The following PTPRG variants were observed in gnomAD, a reference collection of about 807,000 sequenced individuals.
The protein encoded by PTPRG is receptor-type tyrosine-protein phosphatase gamma.
In PTPRG, 102 loss-of-function variants were observed where a neutral mutation model predicts 165.3. That is an observed-to-expected ratio of 0.62 (90% CI 0.53 to 0.73). The LOEUF (loss-of-function observed/expected upper bound fraction) is 0.73, where lower values mean the gene tolerates loss of function less well. Among genes scored for constraint, PTPRG ranks in the 30% least tolerant of loss-of-function variants. The pLI, the probability that PTPRG is intolerant of heterozygous loss-of-function variation, is 0.00. For synonymous variants in PTPRG, 675 were observed against 669.5 expected (o/e 1.01, Z -0.13); for missense variants, 1,866 against 1,861.4 (o/e 1.00, Z -0.05).
chr3:62,229,058 C>T lies in PTPRG; in HGVS notation c.2289-2167C>T, dbSNP rs567620554. On this transcript the variant is annotated intron_variant, in intron 13 of 29. Coordinates refer to ENST00000474889, the MANE Select transcript of PTPRG (RefSeq NM_002841.4). The surrounding 1 kb of genome is among the most constrained non-coding windows in gnomAD (Gnocchi z 4.6). ...TACAGTTCAGCTTTTCAAAGCCTGA[C>T]AATGTGTCAAGCCATTGGGGAGAGC... Among the ~76,000 whole-genome samples, 1 of 152,228 alleles carries T rather than the reference C, an allele frequency of 6.6e-6. No individual in the cohort carries two copies. Among genetic ancestry groups the T allele is most frequent in the African/African-American group, 2.4e-5 (1 of 41,516 alleles).
intron 1 of PTPRG, among the ~76,000 whole-genome samples, chr3:61,721,898 CTT>C (rs936257522): frequency 6.6e-6 from 1 of 152,190 alleles, no homozygotes; most frequent in African/African-American, 2.4e-5. Context: ...TTGTTTCTGA[CTT>C]TCTGCTCTGT....
At chr3:61,727,973 G>A (rs1266478494) in intron 1 of PTPRG, among the ~76,000 whole-genome samples, 1 of 152,222 alleles carries the variant, frequency 6.6e-6, no homozygotes. Flanking sequence ...TTACCAGCTG[G>A]TAGCTGAACC....
intron 1 of PTPRG, among the ~76,000 whole-genome samples, chr3:61,594,642 A>G (rs1057232103): frequency 2.6e-5 from 4 of 152,140 alleles, no homozygotes; most frequent in African/African-American, 9.7e-5. Flanking sequence ...CATTTGGCAG[A>G]TATTTATTAG....
intron 1 of PTPRG, among the ~76,000 whole-genome samples, chr3:61,614,438 G>C (rs1476235466): frequency 8.7e-5 from 1 of 11,474 alleles, no homozygotes; most frequent in Non-Finnish European, 2.7e-4. Flanking sequence ...TTTTTTTTGA[G>C]ACAGGATCTT....
chr3:61,989,846 C>G, intron 3 of PTPRG, 42 bp downstream of exon 3: 1 of 1,602,220 alleles, frequency 6.2e-7, no homozygotes, highest in Non-Finnish European at 8.5e-7. Flanking sequence ...GCAACAGGAA[C>G]TATTTTTGGA....
At chr3:61,654,956 A>T (rs185317076) in intron 1 of PTPRG, among the ~76,000 whole-genome samples, 14 of 141,558 alleles carry the variant, frequency 9.9e-5, no homozygotes, top group African/African-American at 3.6e-4. Flanking sequence ...TACTTTTTGT[A>T]TTTTTTTTTT....
chr3:61,797,581 A>ACCACCCCCCCCCCCCCC (rs2035088327), intron 2 of PTPRG, among the ~76,000 whole-genome samples: 5 of 127,344 alleles, frequency 3.9e-5, no homozygotes, highest in East Asian at 2.4e-4. Context: ...TTATCTCCAC[A>ACCACCCCCCCCCCCCCC]CCCCCCCCCA....
intron 5 of PTPRG, among the ~76,000 whole-genome samples, chr3:62,131,716 A>G (rs1703521232): frequency 6.6e-6 from 1 of 152,196 alleles, no homozygotes; most frequent in African/African-American, 2.4e-5. Flanking sequence ...AGAAAATTGT[A>G]TAATGACCCA....
At chr3:62,011,888 A>G (rs2107739511) in intron 4 of PTPRG, among the ~76,000 whole-genome samples, 1 of 152,294 alleles carries the variant, frequency 6.6e-6, no homozygotes, top group South Asian at 2.1e-4. Context: ...TGTGTCAGTG[A>G]CACGTGGTGT....
chr3:62,196,500 G>A (rs1699966493), intron 10 of PTPRG, among the ~76,000 whole-genome samples: 1 of 152,150 alleles, frequency 6.6e-6, no homozygotes, highest in Admixed American at 6.5e-5. Context: ...TTTAAGTAGA[G>A]ATAGATACAC....
At chr3:62,082,199 T>G (rs1701605680) in intron 5 of PTPRG, among the ~76,000 whole-genome samples, 1 of 152,230 alleles carries the variant, frequency 6.6e-6, no homozygotes, top group African/African-American at 2.4e-5. Flanking sequence ...ATAATTTTTT[T>G]TTACCATTTC....
chr3:61,642,355 A>C (rs1024263248), intron 1 of PTPRG, among the ~76,000 whole-genome samples: 3 of 152,090 alleles, frequency 2.0e-5, no homozygotes, highest in African/African-American at 4.8e-5. Flanking sequence ...ATATGCGAGG[A>C]CCTTTCTTGG....
intron 24 of PTPRG, among the ~76,000 whole-genome samples, chr3:62,276,251 A>G (rs188787575): frequency 6.6e-6 from 1 of 152,290 alleles, no homozygotes; most frequent in African/African-American, 2.4e-5. Context: ...TGCTCCATCT[A>G]TCTGACGTAG....
intron 8 of PTPRG, among the ~76,000 whole-genome samples, chr3:62,170,366 G>T (rs568657626): frequency 6.6e-6 from 1 of 152,120 alleles, no homozygotes; most frequent in Non-Finnish European, 1.5e-5. Context: ...TGTGGATTGG[G>T]GGGGTGAGGA....
At chr3:61,590,841 A>G (rs1237538105) in intron 1 of PTPRG, among the ~76,000 whole-genome samples, 1 of 151,932 alleles carries the variant, frequency 6.6e-6, no homozygotes, top group Non-Finnish European at 1.5e-5. Flanking sequence ...CAGAGGTGCC[A>G]TATGCAGTGG....
intron 16 of PTPRG, among the ~76,000 whole-genome samples, chr3:62,261,349 G>A (rs982591803): frequency 3.9e-5 from 6 of 152,206 alleles, no homozygotes; most frequent in African/African-American, 1.2e-4. Context: ...AGGTCCCAAC[G>A]TGCTAAGTTT....
At chr3:62,023,305 A>G (rs1296183877) in intron 4 of PTPRG, among the ~76,000 whole-genome samples, 1 of 152,204 alleles carries the variant, frequency 6.6e-6, no homozygotes, top group Admixed American at 6.5e-5. Context: ...CCTTAGCCAA[A>G]GATAGAATTA....
intron 2 of PTPRG, among the ~76,000 whole-genome samples, chr3:61,767,971 C>CA (rs35466366): frequency 0.48 from 49,589 of 103,708 alleles, 11,527 homozygotes; most frequent in Non-Finnish European, 0.53. Flanking sequence ...GACCCTGTCT[C>CA]AAAAAAAAAA....
chr3:61,925,915 A>G (rs2039198538), intron 2 of PTPRG: 1 of 496,692 alleles, frequency 2.0e-6, no homozygotes. Flanking sequence ...GGTAACCAGC[A>G]GTGTTTCCAT....
Sources: gnomAD v4.1 joint callset for allele counts (sites outside exome capture counted in the v4.1 genomes callset) on GRCh38, gnomAD v4.1.1 for gene constraint, Gnocchi (gnomAD v3.1) non-coding constraint, MANE v1.5 for transcripts, NCBI Gene and HGNC (gene_info 2026-07-23, HGNC 2026-07-21) for gene names.